KHDRBS2: variants seen among roughly 807,000 people sequenced by gnomAD.
The protein encoded by KHDRBS2 is KH domain-containing, RNA-binding, signal transduction-associated protein 2.
KHDRBS2 carries 26 observed loss-of-function variants against 44.3 expected under a neutral mutation model. That is an observed-to-expected ratio of 0.59 (90% CI 0.43 to 0.81). The LOEUF (loss-of-function observed/expected upper bound fraction) is 0.81. KHDRBS2 is among the 40% of genes least tolerant of loss of function. The probability of loss-of-function intolerance (pLI) is 0.00; values close to 1 mark genes in which losing one functional copy is unlikely to be tolerated. For synonymous variants in KHDRBS2, 194 were observed against 151.1 expected, an observed-to-expected ratio of 1.28 and a Z score of -2.08; for missense variants, 476 against 433.1, an observed-to-expected ratio of 1.10 and a Z score of -0.88.
chr6:61,703,183 T>C (rs1768960217), intron 7 of KHDRBS2, among the ~76,000 whole-genome samples: 1 of 151,804 alleles, frequency 6.6e-6, no homozygotes, highest in Non-Finnish European at 1.5e-5. Flanking sequence ...TTCAACATGA[T>C]TAAAGAACAT....
At chr6:61,798,824 T>C (rs568378926) in intron 6 of KHDRBS2, among the ~76,000 whole-genome samples, 1 of 151,956 alleles carries the variant, frequency 6.6e-6, no homozygotes, top group Non-Finnish European at 1.5e-5. Flanking sequence ...TACATACCTT[T>C]ATTATATATA....
the KHDRBS2 span, among the ~76,000 whole-genome samples, chr6:61,552,132 C>T: frequency 1.3e-5 from 2 of 151,940 alleles, no homozygotes; most frequent in African/African-American, 4.8e-5. Context: ...AATATTGATT[C>T]CTCCTGTACA....
intron 6 of KHDRBS2, among the ~76,000 whole-genome samples, chr6:61,770,178 C>T (rs1413117840): frequency 6.6e-6 from 1 of 152,116 alleles, no homozygotes. Flanking sequence ...CACCCAAAAC[C>T]CATCTGTACG....
intron 6 of KHDRBS2, among the ~76,000 whole-genome samples, chr6:61,746,030 A>C (rs1227168546): frequency 6.6e-6 from 1 of 150,956 alleles, no homozygotes; most frequent in Non-Finnish European, 1.5e-5. Flanking sequence ...TTTCCCAAAA[A>C]GATTTTATTT....
At chr6:61,868,790 C>T (rs1195950455) in intron 6 of KHDRBS2, among the ~76,000 whole-genome samples, 1 of 152,172 alleles carries the variant, frequency 6.6e-6, no homozygotes, top group Non-Finnish European at 1.5e-5. Flanking sequence ...TGCTCAGACC[C>T]CTGCATTCAG....
chr6:62,285,902 C>T lies in KHDRBS2; in HGVS notation c.47G>A (p.Ser16Asn), dbSNP rs1585629972. The stretch of plus-strand genomic sequence containing the variant: ...CGCATGCACAAAAGATGGATCCAGG[C>T]TATCTTTCTCTGCCATCAGCTCAGG... ...YLPELMAEKD[S>N]LDPSFVHASR... The change falls in exon 1 of 9, where the codon AGC becomes AAC. Residue 16 changes from serine to asparagine, a missense_variant. By Grantham distance (46) the Ser-to-Asn change is conservative. Coordinates refer to ENST00000281156, the MANE Select transcript of KHDRBS2 (RefSeq NM_152688.4). 5.6e-6 allele frequency: 9 copies of T among 1,613,620 alleles called. No homozygotes were observed. Among genetic ancestry groups the T allele is most frequent in the East Asian group, 4.5e-5 (2 of 44,800 alleles).
intron 3 of KHDRBS2, among the ~76,000 whole-genome samples, chr6:62,035,022 G>A (rs1785027365): frequency 6.6e-6 from 1 of 151,940 alleles, no homozygotes; most frequent in Non-Finnish European, 1.5e-5. Context: ...GAAAAGGGAA[G>A]CTTTGTACAC....
intron 8 of KHDRBS2, among the ~76,000 whole-genome samples, chr6:61,682,478 G>A (rs1358756508): frequency 6.6e-6 from 1 of 151,828 alleles, no homozygotes; most frequent in Non-Finnish European, 1.5e-5. Context: ...TCAGAGGTTG[G>A]CATACTCTGG....
intron 4 of KHDRBS2, among the ~76,000 whole-genome samples, chr6:61,961,181 A>G (rs1326649311): frequency 6.6e-6 from 1 of 152,124 alleles, no homozygotes; most frequent in Non-Finnish European, 1.5e-5. Flanking sequence ...TTCGTTGATT[A>G]AGCCAACAAT....
At chr6:62,103,756 G>C (rs1360752684) in intron 2 of KHDRBS2, among the ~76,000 whole-genome samples, 4 of 152,130 alleles carry the variant, frequency 2.6e-5, no homozygotes, top group South Asian at 2.1e-4. Context: ...GGCCCCTCCA[G>C]GCAGGCTGCT....
At chr6:61,688,468 TG>T (rs1767048446) in intron 8 of KHDRBS2, among the ~76,000 whole-genome samples, 1 of 151,878 alleles carries the variant, frequency 6.6e-6, no homozygotes, top group Admixed American at 6.6e-5. Flanking sequence ...AGAATAAAAA[TG>T]GTGGTATAAA....
At chr6:61,633,661 C>T in the KHDRBS2 span, among the ~76,000 whole-genome samples, 2 of 151,966 alleles carry the variant, frequency 1.3e-5, no homozygotes, top group Non-Finnish European at 2.9e-5. Flanking sequence ...TCCTCATGTG[C>T]CCAGTCCCTT....
At chr6:61,717,585 C>T (rs954936494) in intron 7 of KHDRBS2, among the ~76,000 whole-genome samples, 45 of 152,082 alleles carry the variant, frequency 3.0e-4, no homozygotes, top group Admixed American at 2.2e-3. Context: ...AAAACGAGGG[C>T]GAGTGACTTT....
chr6:61,632,825 T>A, the KHDRBS2 span, among the ~76,000 whole-genome samples: 1 of 152,088 alleles, frequency 6.6e-6, no homozygotes, highest in South Asian at 2.1e-4. Context: ...GTCACAATAA[T>A]AGTTTTCCCA....
intron 2 of KHDRBS2, among the ~76,000 whole-genome samples, chr6:62,121,293 C>A (rs923965348): frequency 6.6e-6 from 1 of 152,182 alleles, no homozygotes; most frequent in Non-Finnish European, 1.5e-5. Context: ...AACAACATTC[C>A]ATCCCTGGAG....
chr6:62,196,011 G>A (rs1366230396), intron 1 of KHDRBS2, among the ~76,000 whole-genome samples: 1 of 152,138 alleles, frequency 6.6e-6, no homozygotes, highest in Non-Finnish European at 1.5e-5. Flanking sequence ...ATCTGTTATG[G>A]ATTCTAGAAA....
At chr6:61,730,985 T>C (rs2127560164) in intron 7 of KHDRBS2, among the ~76,000 whole-genome samples, 1 of 152,156 alleles carries the variant, frequency 6.6e-6, no homozygotes, top group Non-Finnish European at 1.5e-5. Context: ...AGAAAATTAT[T>C]CCAAAATTTC....
At position 61,858,138 on chromosome 6, in the gene KHDRBS2, C is replaced by G. The variant is rs143453746; in HGVS notation, c.810+36497G>C. ...TTGGTTGATTTTTCTACCTTTGATA[C>G]AACCAAATGAGCACCTCAGAAGCAT... On this transcript the variant is annotated intron_variant, in intron 6 of 8. Transcript: ENST00000281156. Among the ~76,000 whole-genome samples, 6 of 151,838 alleles carry G rather than the reference C, an allele frequency of 4.0e-5. No homozygotes were observed. In the East Asian group the frequency reaches 9.7e-4, roughly 25 times the overall value.
chr6:62,209,835 A>T (rs1434803477), intron 1 of KHDRBS2, among the ~76,000 whole-genome samples: 1 of 152,122 alleles, frequency 6.6e-6, no homozygotes, highest in African/African-American at 2.4e-5. Flanking sequence ...ATCATACTCC[A>T]AGTTCTTTAG....
Sources: allele counts gnomAD v4.1 joint callset (sites outside exome capture counted in the v4.1 genomes callset), GRCh38; gene constraint gnomAD v4.1.1; transcripts MANE v1.5; gene names NCBI Gene and HGNC (gene_info 2026-07-23, HGNC 2026-07-21).